Variants in STAG1 observed in about 807,000 individuals in gnomAD.
STAG1 encodes cohesin subunit SA-1.
Under a neutral mutation model 170.9 loss-of-function variants are expected in STAG1, and 26 were observed. That is an observed-to-expected ratio of 0.15 (90% CI 0.11 to 0.21). The LOEUF is 0.21. Ranked by LOEUF, STAG1 falls within the 10% of genes least tolerant of loss-of-function variation. STAG1 has a pLI of 1.00. For missense variants in STAG1, 964 were observed against 1,509.5 expected, an observed-to-expected ratio of 0.64 and a Z score of 5.99; for synonymous variants, 514 against 497.7, an observed-to-expected ratio of 1.03 and a Z score of -0.44.
chr3:136,380,410 T>G (rs1244815416), intron 22 of STAG1, among the ~76,000 whole-genome samples: 4 of 151,874 alleles, frequency 2.6e-5, no homozygotes, highest in Admixed American at 6.6e-5. Context: ...CCTGGCTAAT[T>G]TTTGTATTTT....
chr3:136,591,230 AAG>A (rs1491542987), intron 4 of STAG1, among the ~76,000 whole-genome samples: 1 of 139,470 alleles, frequency 7.2e-6, no homozygotes, highest in Non-Finnish European at 1.6e-5. Context: ...AAAAAAAAAA[AAG>A]AAGGGAGGGA....
chr3:136,427,000 C>A (rs1447287551), intron 16 of STAG1, among the ~76,000 whole-genome samples: 1 of 150,834 alleles, frequency 6.6e-6, no homozygotes, highest in Non-Finnish European at 1.5e-5. Context: ...GCGCAGCTTG[C>A]AGTGAGCCGA....
At chr3:136,475,934 C>T (rs2089737997) in intron 10 of STAG1, among the ~76,000 whole-genome samples, 1 of 152,120 alleles carries the variant, frequency 6.6e-6, no homozygotes, top group African/African-American at 2.4e-5. Flanking sequence ...CCAGGCCTAG[C>T]ACTAAATTGT....
chr3:136,689,964 T>C (rs1464412611), intron 1 of STAG1, among the ~76,000 whole-genome samples: 2 of 142,216 alleles, frequency 1.4e-5, no homozygotes, highest in African/African-American at 5.3e-5. Flanking sequence ...CAGTTGAACC[T>C]GGGAGGCAGA....
intron 1 of STAG1, among the ~76,000 whole-genome samples, chr3:136,705,404 C>T (rs1296160533): frequency 6.6e-6 from 1 of 151,472 alleles, no homozygotes; most frequent in Non-Finnish European, 1.5e-5. Context: ...CACACACACA[C>T]ACACACACAC....
At chr3:136,724,600 T>TAAAAAAAAAAAAAAAAAAAAAAAAA (rs58430366) in intron 1 of STAG1, among the ~76,000 whole-genome samples, 1 of 104,676 alleles carries the variant, frequency 9.6e-6, no homozygotes, top group Admixed American at 1.1e-4. Context: ...GAATGATCAA[T>TAAAAAAAAAAAAAAAAAAAAAAAAA]AAAAAAAAAA....
intron 16 of STAG1, among the ~76,000 whole-genome samples, chr3:136,432,514 TGGGG>T (rs61616234): frequency 7.8e-4 from 78 of 100,430 alleles, no homozygotes; most frequent in Non-Finnish European, 4.4e-4. Context: ...TCTTTTTTTT[TGGGG>T]GGGGGGGGGC....
intron 5 of STAG1, among the ~76,000 whole-genome samples, chr3:136,560,519 C>G (rs1347316010): frequency 6.6e-6 from 1 of 152,174 alleles, no homozygotes; most frequent in African/African-American, 2.4e-5. Context: ...ATTTACATAG[C>G]TTTAGAATGC....
intron 15 of STAG1, among the ~76,000 whole-genome samples, chr3:136,434,229 GAAGA>G (rs1052215888): frequency 3.3e-5 from 5 of 151,922 alleles, no homozygotes; most frequent in East Asian, 1.9e-4. Flanking sequence ...ATTCTCCAAA[GAAGA>G]AATAATGGAT....
At chr3:136,442,571 T>C (rs1264404704) in intron 15 of STAG1, among the ~76,000 whole-genome samples, 1 of 152,168 alleles carries the variant, frequency 6.6e-6, no homozygotes, top group East Asian at 1.9e-4. Flanking sequence ...GATTTCCTGA[T>C]TTTTATCTTA....
intron 2 of STAG1, among the ~76,000 whole-genome samples, chr3:136,625,179 C>T (rs1940040689): frequency 6.6e-6 from 1 of 152,162 alleles, no homozygotes; most frequent in African/African-American, 2.4e-5. Context: ...AGGAAAAGTA[C>T]ATAGCAAATG....
At chr3:136,732,609 TAATA>T (rs1934105119) in intron 1 of STAG1, among the ~76,000 whole-genome samples, 1 of 152,146 alleles carries the variant, frequency 6.6e-6, no homozygotes. Context: ...CCATTCTCAT[TAATA>T]AATTTTTTGT....
At chr3:136,736,584 C>T (rs1284173705) in intron 1 of STAG1, 87 of 1,542,064 alleles carry the variant, frequency 5.6e-5, no homozygotes, top group Non-Finnish European at 5.9e-5. Flanking sequence ...TTGGAAGTTT[C>T]GCCAGCTGTC....
At chr3:136,522,197 G>C (rs1030596135) in intron 6 of STAG1, among the ~76,000 whole-genome samples, 1 of 152,170 alleles carries the variant, frequency 6.6e-6, no homozygotes, top group Non-Finnish European at 1.5e-5. Flanking sequence ...GTCCTTTCTA[G>C]AACAAAGTGC....
chr3:136,356,077 A>G (rs991277738), intron 28 of STAG1, among the ~76,000 whole-genome samples: 1 of 145,174 alleles, frequency 6.9e-6, no homozygotes, highest in Non-Finnish European at 1.5e-5. Context: ...TTTTTTTTAG[A>G]GACAGTCTCA....
At chr3:136,466,588 T>C (rs957467419) in intron 12 of STAG1, among the ~76,000 whole-genome samples, 12 of 152,154 alleles carry the variant, frequency 7.9e-5, no homozygotes, top group Non-Finnish European at 1.3e-4. Context: ...TGCAGGATAT[T>C]ATCCAGGAGA....
intron 14 of STAG1, among the ~76,000 whole-genome samples, chr3:136,450,822 G>A (rs2088915022): frequency 7.2e-5 from 11 of 152,078 alleles, no homozygotes; most frequent in Admixed American, 7.2e-4. Flanking sequence ...TCGGCTCACT[G>A]CATGCAACCT....
chr3:136,556,759 T>A lies in STAG1; in HGVS notation c.394+12006A>T, dbSNP rs568766277. Among the ~76,000 whole-genome samples, 397 of 152,106 alleles carry A rather than the reference T, an allele frequency of 2.6e-3. 2 individuals carry two copies. The highest frequency in any genetic ancestry group is 9.3e-3 in the African/African-American group (385 of 41,506). On this transcript the variant is annotated intron_variant, in intron 5 of 33. Transcript: ENST00000383202. The stretch of plus-strand genomic sequence containing the variant: ...CACCACGCCCCACTAATTCCTGCAT[T>A]TTTTGTAGAGGCAGGGTTTTACCAT...
At chr3:136,702,074 A>AG in intron 1 of STAG1, among the ~76,000 whole-genome samples, 1 of 83,042 alleles carries the variant, frequency 1.2e-5, no homozygotes. Flanking sequence ...CACCATGCCG[A>AG]AAGAGAGAGA....
Sources: gnomAD v4.1 joint callset for allele counts (sites outside exome capture counted in the v4.1 genomes callset) on GRCh38, gnomAD v4.1.1 for gene constraint, MANE v1.5 for transcripts, NCBI Gene and HGNC (gene_info 2026-07-23, HGNC 2026-07-21) for gene names.